The following MYH1 variants were observed in gnomAD, a reference collection of about 807,000 sequenced individuals.
MYH1 encodes the protein myosin heavy chain 1, also known as myosin-1.
Under a neutral mutation model 225.6 loss-of-function variants are expected in MYH1, and 214 were observed. The ratio of observed to expected loss-of-function variants is 0.95; its 90% CI spans 0.85 to 1.06. The LOEUF (loss-of-function observed/expected upper bound fraction) is 1.06, where lower values mean the gene tolerates loss of function less well. MYH1 is among the 50% of genes least tolerant of loss of function. The pLI is 0.00. For missense variants in MYH1, 2,098 were observed against 2,344.2 expected, an observed-to-expected ratio of 0.89 and a Z score of 2.17; for synonymous variants, 774 against 842.3, an observed-to-expected ratio of 0.92 and a Z score of 1.40.
chr17:10,492,643 T>A, intron 39 of MYH1, 75 bp from the exon 40 acceptor site: 1 of 1,437,306 alleles, frequency 7.0e-7, no homozygotes, highest in South Asian at 1.4e-5. Context: ...ATCTTGAATT[T>A]CCTTTTTACT....
chr17:10,503,920 G>C (rs1730254854), intron 22 of MYH1, among the ~76,000 whole-genome samples: 1 of 152,160 alleles, frequency 6.6e-6, no homozygotes, highest in African/African-American at 2.4e-5. Context: ...TTGAAGGCAC[G>C]ATGAACCACT....
intron 39 of MYH1, 132 bp downstream of exon 39, chr17:10,494,222 G>T: frequency 1.2e-6 from 1 of 848,460 alleles, no homozygotes; most frequent in Non-Finnish European, 1.8e-6. Flanking sequence ...TTTTACCTCA[G>T]CCTTGGACCT....
intron 7 of MYH1, 38 bp from the exon 8 acceptor site, chr17:10,513,951 G>A (rs1213500053): frequency 1.2e-6 from 2 of 1,613,842 alleles, no homozygotes; most frequent in Non-Finnish European, 1.7e-6. Flanking sequence ...CTGGGGCTTG[G>A]GAATTTCCTA....
At chr17:10,517,555 C>A (rs1597445096) in intron 2 of MYH1, among the ~76,000 whole-genome samples, 1 of 152,264 alleles carries the variant, frequency 6.6e-6, no homozygotes, top group East Asian at 1.9e-4. Flanking sequence ...CATGTATATT[C>A]TACTTTATAA....
chr17:10,497,209 A>C lies in MYH1; in HGVS notation c.4532-16T>G. The C allele has an allele frequency of 6.3e-7, 1 of 1,598,246 alleles. No individual in the cohort carries two copies. Among genetic ancestry groups the C allele is most frequent in the Non-Finnish European group, 8.5e-7 (1 of 1,175,720 alleles). On this transcript the variant is annotated splice_polypyrimidine_tract_variant and intron_variant, in intron 32 of 39. Transcript: ENST00000226207. ...GAAATCTCCTCTGTTGGTGAACAAA[A>C]AATATAGAAATTTGTTTATAGTTGG...
Position 10,509,336 on chromosome 17 carries a change from A to C in MYH1, c.1587+149T>G, listed in dbSNP as rs1015514042. On this transcript the variant is annotated intron_variant, in intron 15 of 39. Transcript: ENST00000226207. ...AAATATTTAATCTCCTTTTACCAGA[A>C]TATCTACTTCAGAGTTGGCAAAATA... 51 of 1,265,686 alleles carry C rather than the reference A, an allele frequency of 4.0e-5. No homozygotes were observed. In the African/African-American group the frequency reaches 7.1e-4, roughly 18 times the overall value. 78.4% of individuals were successfully genotyped at this position (1,265,686 alleles called of 1,614,324 possible).
chr17:10,506,052 G>A lies in MYH1; in HGVS notation c.2016C>T (p.His672=), dbSNP rs953986787. ...CATTGGGGATGATGCACCGCACAAA[G>A]TGGGGGTGAGTGCTCCTCAAGTTGG... The part of the protein sequence containing the change: ...LMTNLRSTHP[H]FVRCIIPNET... The change falls in exon 18 of 40, where the codon CAC becomes CAT. Residue 672 remains histidine, a synonymous_variant. Coordinates refer to ENST00000226207, the MANE Select transcript of MYH1 (RefSeq NM_005963.4). 1.9e-6 allele frequency: 3 copies of A among 1,614,200 alleles called. No individual in the cohort carries two copies. In the Admixed American group the frequency reaches 5.0e-5, roughly 27 times the overall value.
chr17:10,508,179 C>T lies in MYH1; in HGVS notation c.1897+184G>A, dbSNP rs148316011. Among the ~76,000 whole-genome samples, 48 of 151,780 alleles carry T rather than the reference C, an allele frequency of 3.2e-4. No individual in the cohort carries two copies. In the East Asian group the frequency reaches 6.6e-3, roughly 21 times the overall value. ...GATTATAGGCACCTGCCACCATGCC[C>T]GGCTAATTTTTGCATTTTTAGTAGA... On this transcript the variant is annotated intron_variant, in intron 16 of 39. Transcript: ENST00000226207.
At chr17:10,510,172 G>A (rs1482331749) in intron 14 of MYH1, among the ~76,000 whole-genome samples, 1 of 151,990 alleles carries the variant, frequency 6.6e-6, no homozygotes, top group East Asian at 1.9e-4. Context: ...AAGTTGTTTG[G>A]TTTTTATAGT....
At chr17:10,495,402 T>A in intron 35 of MYH1, 85 bp from the exon 36 acceptor site, 1 of 1,457,672 alleles carries the variant, frequency 6.9e-7, no homozygotes, top group Non-Finnish European at 9.5e-7. Flanking sequence ...ATAAACTAAT[T>A]AACTAAATGA....
chr17:10,508,428 A>G lies in MYH1; in HGVS notation c.1832T>C (p.Leu611Pro). The stretch of plus-strand genomic sequence containing the variant: ...AGTCTTCATTGCAGACTTCTGGTAC[A>G]GCCCCACCACAGTCTCATTCAGGGG... ...KDPLNETVVGLYQKSAMKTLA... is the reference protein window; with the variant it reads ...KDPLNETVVGPYQKSAMKTLA... Residue 611 changes from leucine to proline, a missense_variant, in exon 16 of 40, where the codon CTG (leucine) becomes CCG (proline). Physicochemically the swap from Leu to Pro is moderately conservative, Grantham distance 98. Transcript: ENST00000226207. 6.2e-7 allele frequency: 1 copy of G among 1,614,198 alleles called. No individual in the cohort carries two copies. Among genetic ancestry groups the G allele is most frequent in the Non-Finnish European group, 8.5e-7 (1 of 1,180,030 alleles).
chr17:10,508,893 G>C (rs1200271688), intron 15 of MYH1, among the ~76,000 whole-genome samples: 1 of 152,224 alleles, frequency 6.6e-6, no homozygotes, highest in Non-Finnish European at 1.5e-5. Flanking sequence ...GACAGAGTAA[G>C]ACAGATGAAG....
In MYH1 at chr17:10,498,209, T is replaced by C. The variant is rs555491872; in HGVS notation, c.4182-292A>G. 3.9e-5 allele frequency among the ~76,000 whole-genome samples: 6 copies of C among 152,384 alleles called. No individual in the cohort carries two copies. The South Asian group carries it at 1.2e-3, about 32-fold the overall frequency. On this transcript the variant is annotated intron_variant, in intron 30 of 39. Transcript: ENST00000226207. ...GCTGGTTTATTCCTCTTCTGTAGAA[T>C]ATTAATATCTACCTTGAATTACTGG...
intron 28 of MYH1, among the ~76,000 whole-genome samples, chr17:10,499,641 T>G (rs1053446909): frequency 1.3e-5 from 2 of 152,212 alleles, no homozygotes; most frequent in Non-Finnish European, 2.9e-5. Context: ...TAAATGGCAT[T>G]TACACATGTC....
Position 10,505,912 on chromosome 17 carries a change from G to A in MYH1, c.2074C>T (p.Leu692Phe). ...TTACACCTCAGCTGATGCAGGACAAGCTCATGCTCCATGGCACCTAAAAGA... is the reference window on the plus strand; with the variant it reads ...TTACACCTCAGCTGATGCAGGACAAACTCATGCTCCATGGCACCTAAAAGA... ...TKTPGAMEHE[L>F]VLHQLRCNGV... The change falls in exon 19 of 40, where the codon CTT becomes TTT. Residue 692 changes from leucine to phenylalanine, a missense_variant. Coordinates refer to ENST00000226207, the MANE Select transcript of MYH1 (RefSeq NM_005963.4). 6 of 1,614,184 alleles carry A rather than the reference G, an allele frequency of 3.7e-6. No homozygotes were observed. The highest frequency in any genetic ancestry group is 5.1e-6 in the Non-Finnish European group (6 of 1,180,022).
chr17:10,501,516 A>G lies in MYH1; in HGVS notation c.3349-17T>C. On this transcript the variant is annotated splice_polypyrimidine_tract_variant and intron_variant, in intron 26 of 39. Transcript: ENST00000226207. ...AATGCGGGCCTGGGAATGGTGAAAA[A>G]TATTAATACGAACTCAACTTCTTGG... The G allele has an allele frequency of 6.2e-7, 1 of 1,614,190 alleles. No individual in the cohort carries two copies. Among genetic ancestry groups the G allele is most frequent in the East Asian group, 2.2e-5 (1 of 44,886 alleles).
Position 10,502,996 on chromosome 17 carries a change from T to C in MYH1, c.2934+10A>G, listed in dbSNP as rs2073073773. On this transcript the variant is annotated intron_variant, in intron 23 of 39. Coordinates refer to ENST00000226207, the MANE Select transcript of MYH1 (RefSeq NM_005963.4). ...AACCTCTATACAGTACTGTAGAATA[T>C]GATTGATACCTTGTTTTCTGTGGCA... The C allele has an allele frequency of 6.2e-7, 1 of 1,614,078 alleles. No homozygotes were observed. The highest frequency in any genetic ancestry group is 1.1e-5 in the South Asian group (1 of 91,072).
In MYH1 at chr17:10,501,469, C is replaced by T. The variant is rs775607124; in HGVS notation, c.3379G>A (p.Glu1127Lys). ...ARIEELEEEI[E>K]AERASRAKAE... ...TTGGCCCGGGAGGCCCGCTCTGCCT[C>T]GATTTCCTCCTCCAGCTCCTCAATG... The change falls in exon 27 of 40, where the codon GAG becomes AAG. Residue 1127 changes from glutamate to lysine, a missense_variant. Transcript: ENST00000226207. The T allele has an allele frequency of 1.9e-6, 3 of 1,614,098 alleles. No individual in the cohort carries two copies. The highest frequency in any genetic ancestry group is 1.3e-5 in the African/African-American group (1 of 74,920).
rs3050883 is a variant in MYH1 at position 10,495,760 on chromosome 17, CA to C, written c.5169+189del. On this transcript the variant is annotated intron_variant, in intron 35 of 39. Transcript: ENST00000226207. ...TGAGCGACAGAGCGAGACTCCGTCT[CA>C]AAAAAAAAAAAAAAATCAACTATGG... 4.9e-3 allele frequency among the ~76,000 whole-genome samples: 208 copies of C among 42,164 alleles called. 19 individuals carry two copies. Among genetic ancestry groups the C allele is most frequent in the African/African-American group, 0.014 (193 of 13,516 alleles). The allele number at this position is 42,164 out of a possible 152,430, so 27.7% of individuals were successfully genotyped here.
Sources: allele counts gnomAD v4.1 joint callset (sites outside exome capture counted in the v4.1 genomes callset), GRCh38; gene constraint gnomAD v4.1.1; transcripts MANE v1.5; gene names NCBI Gene and HGNC (gene_info 2026-07-23, HGNC 2026-07-21).